Variants in SRPK1 observed in about 807,000 individuals in gnomAD.
SRPK1 encodes the protein SFRS protein kinase 1.
SRPK1 carries 52 observed loss-of-function variants against 89.5 expected under a neutral mutation model. That is an observed-to-expected ratio of 0.58 (90% CI 0.46 to 0.73). The LOEUF is 0.73. SRPK1 is among the 30% of genes least tolerant of loss of function. The pLI is 0.00. For missense variants in SRPK1, 603 were observed against 780.6 expected, an observed-to-expected ratio of 0.77 and a Z score of 2.71; for synonymous variants, 255 against 270.2, an observed-to-expected ratio of 0.94 and a Z score of 0.55.
chr6:35,920,449 G>T lies in SRPK1; in HGVS notation c.74+19C>A. The T allele has an allele frequency of 6.2e-7, 1 of 1,612,206 alleles. No homozygotes were observed. ...CGGAGGAAAATCCAAAGAATGGGAT[G>T]TTGGGGTACAAGACTCACTTCCTTT... is the stretch of plus-strand genomic sequence containing the variant. On this transcript the variant is annotated intron_variant, in intron 2 of 15. Transcript: ENST00000373825.
At position 35,888,893 on chromosome 6, in the gene SRPK1, A is replaced by G; in HGVS notation, c.224T>C (p.Leu75Pro). 1 of 1,613,092 alleles carries G rather than the reference A, an allele frequency of 6.2e-7. No homozygotes were observed. ...GGYHLVKIGD[L>P]FNGRYHVIRK... Reference sequence around the variant, plus strand: ...GATCACATGGTATCTCCCATTGAATAGATCTCCAATTTTCACAAGATGATA... The same window carrying G: ...GATCACATGGTATCTCCCATTGAATGGATCTCCAATTTTCACAAGATGATA... The change falls in exon 4 of 16, where the codon CTA (leucine) becomes CCA (proline). Residue 75 changes from leucine (L) to proline (P), a missense_variant. Physicochemically the swap from Leu to Pro is moderately conservative, Grantham distance 98 (BLOSUM62 -3). Coordinates refer to ENST00000373825, the MANE Select transcript of SRPK1 (RefSeq NM_003137.5).
intron 2 of SRPK1, among the ~76,000 whole-genome samples, chr6:35,894,269 T>C (rs1392875857): frequency 1.3e-5 from 2 of 152,164 alleles, no homozygotes; most frequent in Admixed American, 6.5e-5. Flanking sequence ...ATGATGCCGA[T>C]TTCCATACAG....
chr6:35,871,554 G>C (rs1418871902), intron 8 of SRPK1, among the ~76,000 whole-genome samples: 1 of 152,122 alleles, frequency 6.6e-6, no homozygotes, highest in Non-Finnish European at 1.5e-5. Flanking sequence ...TTTTCATCTT[G>C]TAAAACAGAA....
chr6:35,887,157 A>G (rs1158264122), intron 5 of SRPK1, among the ~76,000 whole-genome samples: 2 of 152,198 alleles, frequency 1.3e-5, no homozygotes, highest in East Asian at 3.8e-4. Context: ...TGTTTTTTTC[A>G]GCGGACATTT....
At chr6:35,885,416 A>T (rs913391973) in intron 6 of SRPK1, among the ~76,000 whole-genome samples, 7 of 151,760 alleles carry the variant, frequency 4.6e-5, no homozygotes, top group African/African-American at 1.7e-4. Flanking sequence ...GTAATCTGTG[A>T]TTTGTATTTT....
At chr6:35,889,306 C>CAA (rs34873494) in intron 3 of SRPK1, among the ~76,000 whole-genome samples, 1 of 132,112 alleles carries the variant, frequency 7.6e-6, no homozygotes, top group Admixed American at 7.6e-5. Context: ...GTTTATTTAG[C>CAA]AAAAAAAAAA....
rs983391828 is a variant in SRPK1 at position 35,833,870 on chromosome 6, G to T, written c.*1434C>A. The T allele has an allele frequency of 2.6e-5, 4 of 152,252 alleles. No homozygotes were observed. The highest frequency in any genetic ancestry group is 9.7e-5 in the African/African-American group (4 of 41,412). 9.4% of individuals were successfully genotyped at this position (152,252 alleles called of 1,614,324 possible). A position where few individuals can be genotyped will look rare whatever the true frequency, so the allele number is the denominator to read the frequency against. ...TAAATTCGAGTCCTACAGCCACTTC[G>T]AGAACGCTGCAATCCCCAAGGCCCA... On this transcript the variant is annotated 3_prime_UTR_variant, in exon 16 of 16. Coordinates refer to ENST00000373825, the MANE Select transcript of SRPK1 (RefSeq NM_003137.5).
chr6:35,843,324 C>CA lies in SRPK1; in HGVS notation c.1621-721dup, dbSNP rs529881133. Among the ~76,000 whole-genome samples the CA allele has an allele frequency of 1.9e-4, 20 of 103,258 alleles. No homozygotes were observed. The South Asian group carries it at 4.0e-3, about 21-fold the overall frequency. The allele number at this position is 103,258 out of a possible 152,430, so 67.7% of individuals were successfully genotyped here. ...CTAGAAATTGAGATTCTGTACCAAA[C>CA]AAAAAAAATCAAAAAAAAAAAAAAA... On this transcript the variant is annotated intron_variant, in intron 13 of 15. Coordinates refer to ENST00000373825, the MANE Select transcript of SRPK1 (RefSeq NM_003137.5).
intron 6 of SRPK1, among the ~76,000 whole-genome samples, chr6:35,880,242 TAG>T (rs1407865432): frequency 6.6e-6 from 1 of 150,980 alleles, no homozygotes; most frequent in Non-Finnish European, 1.5e-5. Context: ...AAAAATTAAC[TAG>T]AGGGATTCAA....
intron 13 of SRPK1, among the ~76,000 whole-genome samples, chr6:35,856,715 A>G (rs1769673965): frequency 6.6e-6 from 1 of 152,210 alleles, no homozygotes; most frequent in East Asian, 1.9e-4. Flanking sequence ...ATTTTAAGAA[A>G]CAATGTAACA....
Position 35,869,517 on chromosome 6 carries a change from T to C in SRPK1, c.1376A>G (p.Gln459Arg). 1 of 1,614,004 alleles carries C rather than the reference T, an allele frequency of 6.2e-7. No homozygotes were observed. The highest frequency in any genetic ancestry group is 8.5e-7 in the Non-Finnish European group (1 of 1,179,880). Residue 459 changes from glutamine (Q) to arginine (R), a missense_variant, in exon 11 of 16, where the codon CAA becomes CGA. Transcript: ENST00000373825. The stretch of plus-strand genomic sequence containing the variant: ...CAGTGGTCCGTTATGTTCTTGCTCT[T>C]GTTCATCTTCACAGGGTATCTCTGC... ...IRAEIPCEDE[Q>R]EQEHNGPLDN...
At chr6:35,910,413 G>A (rs1167149203) in intron 2 of SRPK1, among the ~76,000 whole-genome samples, 1 of 152,186 alleles carries the variant, frequency 6.6e-6, no homozygotes, top group Non-Finnish European at 1.5e-5. Context: ...TGTGAGAGGT[G>A]AGGAAGCTGC....
At chr6:35,866,259 G>T (rs148772983) in intron 12 of SRPK1, among the ~76,000 whole-genome samples, 278 of 152,190 alleles carry the variant, frequency 1.8e-3, no homozygotes, top group African/African-American at 5.9e-3. Context: ...CACACTCTTG[G>T]TGGGAATGAA....
chr6:35,853,750 C>T (rs1238245842), intron 13 of SRPK1, among the ~76,000 whole-genome samples: 1 of 152,132 alleles, frequency 6.6e-6, no homozygotes, highest in African/African-American at 2.4e-5. Context: ...GAGGAATTTA[C>T]CAGAAAAGGA....
intron 13 of SRPK1, among the ~76,000 whole-genome samples, chr6:35,846,196 G>A (rs571386681): frequency 6.9e-4 from 104 of 151,778 alleles, no homozygotes; most frequent in African/African-American, 2.2e-3. Context: ...AGGCCAAGAC[G>A]GGAGGATTGC....
At chr6:35,852,767 C>T in intron 13 of SRPK1, among the ~76,000 whole-genome samples, 1 of 152,018 alleles carries the variant, frequency 6.6e-6, no homozygotes. Flanking sequence ...TCTAGACAGA[C>T]AAGACAGTTA....
intron 12 of SRPK1, among the ~76,000 whole-genome samples, chr6:35,859,173 G>T (rs572420609): frequency 4.6e-5 from 7 of 152,076 alleles, no homozygotes; most frequent in Non-Finnish European, 1.0e-4. Flanking sequence ...TGAGGAATTC[G>T]TGCTGTGGTG....
At chr6:35,916,703 G>A (rs1186084698) in intron 2 of SRPK1, among the ~76,000 whole-genome samples, 14 of 152,158 alleles carry the variant, frequency 9.2e-5, no homozygotes, top group African/African-American at 3.4e-4. Flanking sequence ...CCTAAGGTAA[G>A]TAATAAAATC....
Position 35,921,085 on chromosome 6 carries a change from C to A in SRPK1, c.-29G>T, listed in dbSNP as rs775830845. 1.1e-5 allele frequency: 16 copies of A among 1,492,690 alleles called. No individual in the cohort carries two copies. The East Asian group carries it at 2.8e-4, about 26-fold the overall frequency. The allele number at this position is 1,492,690 out of a possible 1,614,324, so 92.5% of individuals were successfully genotyped here. On this transcript the variant is annotated 5_prime_UTR_variant, in exon 1 of 16. Coordinates refer to ENST00000373825, the MANE Select transcript of SRPK1 (RefSeq NM_003137.5). ...GAGACCGGTAATCGCCAGGCGCCTG[C>A]GCACTCGAGTGGCGGCGACTCCCGC...
Sources: allele counts gnomAD v4.1 joint callset (sites outside exome capture counted in the v4.1 genomes callset), GRCh38; gene constraint gnomAD v4.1.1; transcripts MANE v1.5; gene names NCBI Gene and HGNC (gene_info 2026-07-23, HGNC 2026-07-21).